Variants in CAPN5 observed in about 807,000 individuals in gnomAD.
CAPN5 encodes the protein calpain-5.
Under a neutral mutation model 73.0 loss-of-function variants are expected in CAPN5, and 54 were observed. The observed-to-expected ratio is 0.74, with a 90% CI of 0.59 to 0.93. The LOEUF is 0.93. Among genes scored for constraint, CAPN5 ranks in the 40% least tolerant of loss-of-function variants. CAPN5 has a pLI of 0.00. For missense variants in CAPN5, 785 were observed against 882.9 expected (o/e 0.89, Z 1.41); for synonymous variants, 335 against 356.9 (o/e 0.94, Z 0.69).
chr11:77,106,746 C>T (rs1950352263), intron 3 of CAPN5, among the ~76,000 whole-genome samples: 1 of 152,242 alleles, frequency 6.6e-6, no homozygotes, highest in Non-Finnish European at 1.5e-5. Context: ...TCTCCTCTCT[C>T]AGTTATCCGT....
intron 3 of CAPN5, among the ~76,000 whole-genome samples, chr11:77,105,011 C>T (rs1362216792): frequency 2.6e-5 from 4 of 152,042 alleles, no homozygotes; most frequent in African/African-American, 9.7e-5. Flanking sequence ...GAAGAAGTCT[C>T]GGCCATTGCC....
At chr11:77,121,632 G>A (rs1390073187) in intron 10 of CAPN5, among the ~76,000 whole-genome samples, 3 of 152,192 alleles carry the variant, frequency 2.0e-5, no homozygotes, top group South Asian at 4.1e-4. Context: ...TAGCCTTTGC[G>A]GGGCTTTGCA....
chr11:77,119,229 G>T (rs1378363542), intron 9 of CAPN5, 77 bp downstream of exon 9: 2 of 1,461,344 alleles, frequency 1.4e-6, no homozygotes, highest in Admixed American at 2.1e-5. Flanking sequence ...GCCTGAGGAA[G>T]AACGCTCTAG....
chr11:77,087,813 T>A, intron 2 of CAPN5: 1 of 1,284,544 alleles, frequency 7.8e-7, no homozygotes, highest in Admixed American at 2.3e-5. Context: ...GCCACCTTGG[T>A]TGGGACATCC....
Position 77,116,279 on chromosome 11 carries a change from C to T in CAPN5, c.947C>T (p.Thr316Ile). 1 of 1,613,606 alleles carries T rather than the reference C, an allele frequency of 6.2e-7. No individual in the cohort carries two copies. The highest frequency in any genetic ancestry group is 8.5e-7 in the Non-Finnish European group (1 of 1,179,842). Residue 316 changes from threonine (T) to isoleucine (I), a missense_variant, in exon 7 of 13, where the codon ACC becomes ATC. Transcript: ENST00000648180. The part of the protein sequence containing the change: ...SKSEREKMGV[T>I]VQDDGEFWMT... ...AGTGAGCGGGAGAAGATGGGTGTGA[C>T]CGTGCAGGACGACGGTGAGTTCTGG...
rs571470030 is a variant in CAPN5, at chr11:77,093,623, C to A, written c.166-59C>A. ...CGTCTGTGTCTGTCATGTCTCCTGC[C>A]ATGGGGGGCATCCGCATGCTCCTCC... is the stretch of plus-strand genomic sequence containing the variant. On this transcript the variant is annotated intron_variant, in intron 2 of 12. Transcript: ENST00000648180. 65 of 1,516,778 alleles carry A rather than the reference C, an allele frequency of 4.3e-5. 1 individual carries two copies. The South Asian group carries it at 7.0e-4, about 16-fold the overall frequency. 94.0% of individuals were successfully genotyped at this position (1,516,778 alleles called of 1,614,324 possible).
rs1301412969 is a variant in CAPN5 at position 77,124,744 on chromosome 11, G to A, written c.*874G>A. 2.0e-5 allele frequency: 3 copies of A among 152,368 alleles called. No individual in the cohort carries two copies. Among genetic ancestry groups the A allele is most frequent in the African/African-American group, 7.2e-5 (3 of 41,466 alleles). The allele number at this position is 152,368 out of a possible 1,614,324, so 9.4% of individuals were successfully genotyped here. A position where few individuals can be genotyped will look rare whatever the true frequency, so the allele number is the denominator to read the frequency against. On this transcript the variant is annotated 3_prime_UTR_variant, in exon 13 of 13. Transcript: ENST00000648180. The stretch of plus-strand genomic sequence containing the variant: ...TGGGGGCCTTTGGGGACCAGAAGGG[G>A]AGATGTGCTCCCAGAGCCTCTCTGC...
chr11:77,084,943 C>T lies in CAPN5; in HGVS notation c.57C>T (p.Asp19=), dbSNP rs1050323801. ...EDQNYSALRR[D]CRRRKVLFED... ...AGAACTACTCAGCCCTGAGGCGGGA[C>T]TGCCGGCGCAGGAAGGTGCTCTTCG... Residue 19 remains aspartate (D), a synonymous_variant, in exon 2 of 13, where the codon GAC becomes GAT. Coordinates refer to ENST00000648180, the MANE Select transcript of CAPN5 (RefSeq NM_004055.5). 1.9e-6 allele frequency: 3 copies of T among 1,613,890 alleles called. No individual in the cohort carries two copies. The highest frequency in any genetic ancestry group is 1.3e-5 in the African/African-American group (1 of 75,066).
At position 77,120,712 on chromosome 11, in the gene CAPN5, G is replaced by T; in HGVS notation, c.1291-1G>T. On this transcript the variant is annotated splice_acceptor_variant, in intron 9 of 12. Transcript: ENST00000648180. LOFTEE classifies it high-confidence loss of function. ...GGCCCAGCCCCTCCCGCCTCCTGCAGGTGGAGGAGAACCGCCAGTACCGCA... is the reference window on the plus strand; with the variant it reads ...GGCCCAGCCCCTCCCGCCTCCTGCATGTGGAGGAGAACCGCCAGTACCGCA... 6.2e-7 allele frequency: 1 copy of T among 1,601,006 alleles called. No individual in the cohort carries two copies. Among genetic ancestry groups the T allele is most frequent in the Non-Finnish European group, 8.5e-7 (1 of 1,172,202 alleles).
intron 1 of CAPN5, among the ~76,000 whole-genome samples, chr11:77,077,671 G>A (rs1325444901): frequency 2.0e-5 from 3 of 151,916 alleles, no homozygotes; most frequent in South Asian, 2.1e-4. Flanking sequence ...CTGGGTGCCC[G>A]CCTGGCTAAT....
At chr11:77,104,628 C>T (rs984469049) in intron 3 of CAPN5, among the ~76,000 whole-genome samples, 1 of 152,208 alleles carries the variant, frequency 6.6e-6, no homozygotes, top group Non-Finnish European at 1.5e-5. Flanking sequence ...AGAGCCCCCC[C>T]TTTTGGGGGA....
At chr11:77,112,990 G>A in intron 4 of CAPN5, 193 bp downstream of exon 4, 3 of 614,060 alleles carry the variant, frequency 4.9e-6, no homozygotes, top group Non-Finnish European at 5.7e-6. Flanking sequence ...TGGAGGCCTG[G>A]GCCCTGTAAG....
intron 2 of CAPN5, among the ~76,000 whole-genome samples, chr11:77,093,224 G>A (rs1555036811): frequency 6.6e-6 from 1 of 152,196 alleles, no homozygotes; most frequent in Non-Finnish European, 1.5e-5. Context: ...CTGGGATATG[G>A]GTGTTTGTCC....
intron 1 of CAPN5, among the ~76,000 whole-genome samples, chr11:77,081,453 C>T (rs1950027435): frequency 6.6e-6 from 1 of 152,204 alleles, no homozygotes. Context: ...TGGTAGCCCC[C>T]CCATACCTGG....
chr11:77,095,839 A>G (rs1555037410), intron 3 of CAPN5, among the ~76,000 whole-genome samples: 2 of 152,138 alleles, frequency 1.3e-5, no homozygotes, highest in African/African-American at 4.8e-5. Flanking sequence ...AAAGGTTCCT[A>G]TTGCAGGGAG....
chr11:77,121,388 T>A (rs530073734), intron 10 of CAPN5, among the ~76,000 whole-genome samples: 14 of 152,354 alleles, frequency 9.2e-5, no homozygotes, highest in African/African-American at 2.9e-4. Context: ...TGCTGGGGCA[T>A]AGACCCTGTG....
chr11:77,094,132 G>C (rs1950184349), intron 3 of CAPN5, among the ~76,000 whole-genome samples: 1 of 152,242 alleles, frequency 6.6e-6, no homozygotes, highest in Non-Finnish European at 1.5e-5. Flanking sequence ...ATCACATTTA[G>C]TGTGCAGACA....
intron 2 of CAPN5, among the ~76,000 whole-genome samples, chr11:77,093,286 G>T (rs1055581773): frequency 6.6e-6 from 1 of 152,210 alleles, no homozygotes; most frequent in East Asian, 1.9e-4. Context: ...GTGGGCTGGC[G>T]GGGGTGGGCA....
At chr11:77,101,624 C>A (rs1026340690) in intron 3 of CAPN5, among the ~76,000 whole-genome samples, 1 of 152,216 alleles carries the variant, frequency 6.6e-6, no homozygotes, top group South Asian at 2.1e-4. Context: ...TAGCCACCAT[C>A]TCACAATTGA....
Sources: allele counts gnomAD v4.1 joint callset (sites outside exome capture counted in the v4.1 genomes callset), GRCh38; gene constraint gnomAD v4.1.1; transcripts MANE v1.5; gene names NCBI Gene and HGNC (gene_info 2026-07-23, HGNC 2026-07-21).